CTNNA2: variants seen among roughly 807,000 people sequenced by gnomAD.
CTNNA2 encodes the protein catenin alpha 2, also known as catenin alpha-2.
A neutral mutation model predicts 101.0 loss-of-function variants in CTNNA2; 42 were observed. That is an observed-to-expected ratio of 0.42 (90% CI 0.32 to 0.54). The LOEUF is 0.54. Ranked by LOEUF, CTNNA2 falls within the 20% of genes least tolerant of loss-of-function variation. The pLI, the probability that CTNNA2 is intolerant of heterozygous loss-of-function variation, is 0.14. For missense variants in CTNNA2, 871 were observed against 1,223.1 expected (o/e 0.71, Z 4.29); for synonymous variants, 450 against 456.4 (o/e 0.99, Z 0.18).
At chr2:80,353,848 T>A (rs904465366) in intron 7 of CTNNA2, among the ~76,000 whole-genome samples, 10 of 152,180 alleles carry the variant, frequency 6.6e-5, no homozygotes, top group African/African-American at 2.4e-4. Flanking sequence ...AATATCTTAG[T>A]GGCTTGAATT....
intron 2 of CTNNA2, among the ~76,000 whole-genome samples, chr2:79,731,993 A>T: frequency 6.6e-6 from 1 of 152,050 alleles, no homozygotes; most frequent in East Asian, 1.9e-4. Flanking sequence ...CATTAAAAAA[A>T]ATTTATAAAT....
At chr2:80,307,278 A>G (rs1422912331) in intron 7 of CTNNA2, among the ~76,000 whole-genome samples, 1 of 151,946 alleles carries the variant, frequency 6.6e-6, no homozygotes, top group Non-Finnish European at 1.5e-5. Flanking sequence ...CAGAATCCCA[A>G]TTTATTATGT....
intron 11 of CTNNA2, among the ~76,000 whole-genome samples, chr2:80,547,280 G>GA (rs1237322093): frequency 1.3e-5 from 2 of 152,140 alleles, no homozygotes; most frequent in African/African-American, 4.8e-5. Context: ...CATGCGGCCT[G>GA]TGACTAGAAT....
chr2:79,433,309 A>G (rs897442911), intron 4 of CTNNA2, among the ~76,000 whole-genome samples: 12 of 152,206 alleles, frequency 7.9e-5, no homozygotes, highest in Non-Finnish European at 1.3e-4. Flanking sequence ...CCTGAGCTCC[A>G]CATGGACAAT....
chr2:80,006,207 G>A (rs1472877783), intron 7 of CTNNA2, among the ~76,000 whole-genome samples: 3 of 151,950 alleles, frequency 2.0e-5, no homozygotes, highest in Non-Finnish European at 4.4e-5. Context: ...TGGAACTTGG[G>A]TGTTTCACCT....
intron 9 of CTNNA2, among the ~76,000 whole-genome samples, chr2:80,490,404 C>G (rs561018116): frequency 3.3e-5 from 5 of 151,118 alleles, no homozygotes; most frequent in Non-Finnish European, 4.4e-5. Flanking sequence ...AGACAAAGTG[C>G]GAATGAATGA....
chr2:79,637,579 C>T (rs1010997903), intron 1 of CTNNA2, among the ~76,000 whole-genome samples: 5 of 152,064 alleles, frequency 3.3e-5, no homozygotes, highest in Non-Finnish European at 5.9e-5. Flanking sequence ...AGAGTGGTAT[C>T]GAGAGATGCA....
chr2:79,861,920 G>T (rs1681651790), intron 4 of CTNNA2, among the ~76,000 whole-genome samples: 1 of 152,158 alleles, frequency 6.6e-6, no homozygotes, highest in Admixed American at 6.5e-5. Context: ...TGATTTCCTA[G>T]CCAGATACCT....
intron 7 of CTNNA2, among the ~76,000 whole-genome samples, chr2:80,161,081 G>A (rs1454224543): frequency 6.6e-6 from 1 of 152,044 alleles, no homozygotes; most frequent in Non-Finnish European, 1.5e-5. Context: ...CTCTCTCTCT[G>A]TCGCAAAGAC....
rs117668742 is a variant in CTNNA2, at chr2:80,349,132, A to G, written c.1057-44079A>G. On this transcript the variant is annotated intron_variant, in intron 7 of 18. Transcript: ENST00000402739. ...TAAATGATAGCTTCCAGAACATGCC[A>G]TCTGTGGTCCCTGACTGTTCTCATT... Among the ~76,000 whole-genome samples the G allele has an allele frequency of 3.4e-3, 515 of 152,266 alleles. 9 individuals carry two copies. The highest frequency in any genetic ancestry group is 0.029 in the East Asian group (149 of 5,174).
intron 3 of CTNNA2, among the ~76,000 whole-genome samples, chr2:79,344,307 G>C (rs563260424): frequency 6.6e-6 from 1 of 152,266 alleles, no homozygotes; most frequent in African/African-American, 2.4e-5. Context: ...AGAATCCTTT[G>C]ATTTTCATGT....
rs79431101 is a variant in CTNNA2, at chr2:79,235,096, G to A, written c.-406+37020G>A. On this transcript the variant is annotated intron_variant, in intron 2 of 21. Transcript: ENST00000466387. ...TGTCTGTTTGCAGGTAAGGGGGCACGCTGGCTTATGGAGTTTCCAGAATTC... is the reference window on the plus strand; with the variant it reads ...TGTCTGTTTGCAGGTAAGGGGGCACACTGGCTTATGGAGTTTCCAGAATTC... 3.9e-3 allele frequency among the ~76,000 whole-genome samples: 600 copies of A among 152,248 alleles called. 5 individuals are homozygous for A. The highest frequency in any genetic ancestry group is 0.013 in the African/African-American group (556 of 41,550).
At chr2:79,577,048 A>T (rs761980768) in intron 1 of CTNNA2, among the ~76,000 whole-genome samples, 3 of 152,102 alleles carry the variant, frequency 2.0e-5, no homozygotes, top group Non-Finnish European at 4.4e-5. Flanking sequence ...TCTTTGATCT[A>T]TCTAGCAGTT....
intron 7 of CTNNA2, among the ~76,000 whole-genome samples, chr2:80,255,217 C>T (rs1672053338): frequency 6.6e-6 from 1 of 152,062 alleles, no homozygotes; most frequent in South Asian, 2.1e-4. Flanking sequence ...CTGTGTTATT[C>T]TTTCAAAATA....
chr2:80,219,076 A>G (rs1708428930), intron 7 of CTNNA2, among the ~76,000 whole-genome samples: 1 of 152,236 alleles, frequency 6.6e-6, no homozygotes, highest in African/African-American at 2.4e-5. Context: ...TCCATTTTCA[A>G]GAGCTAAAGA....
intron 9 of CTNNA2, among the ~76,000 whole-genome samples, chr2:80,458,739 C>T (rs1487392172): frequency 6.6e-6 from 1 of 152,134 alleles, no homozygotes; most frequent in Non-Finnish European, 1.5e-5. Context: ...CCTCTAGCAG[C>T]TTAGATAACA....
intron 15 of CTNNA2, among the ~76,000 whole-genome samples, chr2:80,593,947 A>G (rs1696728574): frequency 6.6e-6 from 1 of 152,140 alleles, no homozygotes; most frequent in Non-Finnish European, 1.5e-5. Context: ...ACATGAGTGT[A>G]TAAGTATGTA....
Position 79,720,406 on chromosome 2 carries a change from T to A in CTNNA2, c.103-23981T>A, listed in dbSNP as rs535249028. On this transcript the variant is annotated intron_variant, in intron 2 of 18. Transcript: ENST00000402739. Reference sequence around the variant, plus strand: ...TTTTTGGTTCCATATTACTTAAAAATTTTTTTTTCTAATTCTGTGAAGTAT... The same window carrying A: ...TTTTTGGTTCCATATTACTTAAAAAATTTTTTTTCTAATTCTGTGAAGTAT... 1.4e-4 allele frequency among the ~76,000 whole-genome samples: 21 copies of A among 151,928 alleles called. No homozygotes were observed. The Middle Eastern group carries it at 0.014, about 98-fold the overall frequency.
At chr2:79,857,646 A>G (rs931066895) in intron 3 of CTNNA2, among the ~76,000 whole-genome samples, 13 of 152,324 alleles carry the variant, frequency 8.5e-5, no homozygotes, top group African/African-American at 2.4e-4. Context: ...AGTAACTTCA[A>G]TGAGTTGCAT....
Sources: gnomAD v4.1 joint callset for allele counts (sites outside exome capture counted in the v4.1 genomes callset) on GRCh38, gnomAD v4.1.1 for gene constraint, MANE v1.5 for transcripts, NCBI Gene and HGNC (gene_info 2026-07-23, HGNC 2026-07-21) for gene names.